The following BRD8 variants were observed in gnomAD, a reference collection of about 807,000 sequenced individuals.
The protein encoded by BRD8 is bromodomain containing 8, also known as bromodomain-containing protein 8.
A neutral mutation model predicts 143.1 loss-of-function variants in BRD8; 67 were observed. That is an observed-to-expected ratio of 0.47 (90% confidence interval 0.38 to 0.57). The LOEUF (loss-of-function observed/expected upper bound fraction) is 0.57, where lower values mean the gene tolerates loss of function less well. Ranked by LOEUF, BRD8 falls within the 20% of genes least tolerant of loss-of-function variation. BRD8 has a pLI of 0.00. For synonymous variants in BRD8, 505 were observed against 517.1 expected (o/e 0.98, Z 0.32); for missense variants, 1,103 against 1,503.0 (o/e 0.73, Z 4.40).
At chr5:138,141,239 CCT>C (rs1265488775) in intron 25 of BRD8, among the ~76,000 whole-genome samples, 5 of 152,150 alleles carry the variant, frequency 3.3e-5, no homozygotes, top group South Asian at 2.1e-4. Flanking sequence ...AAGCAATTCC[CCT>C]GTCTCAGCCT....
At position 138,164,401 on chromosome 5, in the gene BRD8, T is replaced by A. The variant is rs953539088; in HGVS notation, c.1744A>T (p.Ser582Cys). Residue 582 changes from serine to cysteine, a missense_variant, in exon 13 of 27, where the codon AGC becomes TGC. Transcript: ENST00000254900. ...TNVKTEASPE[S>C]MLSPSHGSNP... is the part of the protein sequence containing the mutation. The stretch of plus-strand genomic sequence containing the variant: ...GAGCCATGTGATGGAGACAACATGC[T>A]TTCAGGGGATGCCTGAAAACCAGAA... 1.2e-6 allele frequency: 2 copies of A among 1,614,020 alleles called. No individual in the cohort carries two copies. The highest frequency in any genetic ancestry group is 1.7e-6 in the Non-Finnish European group (2 of 1,179,998).
At chr5:138,169,730 A>G (rs1330537909) in intron 7 of BRD8, among the ~76,000 whole-genome samples, 1 of 152,202 alleles carries the variant, frequency 6.6e-6, no homozygotes, top group African/African-American at 2.4e-5. Context: ...GCACTTTGGG[A>G]GGCCAAGGCA....
At chr5:138,172,318 A>G (rs181413323) in intron 2 of BRD8, among the ~76,000 whole-genome samples, 184 bp from the exon 3 acceptor site, 6 of 151,634 alleles carry the variant, frequency 4.0e-5, no homozygotes, top group Non-Finnish European at 8.8e-5. Flanking sequence ...AGGTCAGGAG[A>G]TCAATACCAA....
chr5:138,165,099 T>A lies in BRD8; in HGVS notation c.1346A>T (p.Asn449Ile). ...GCCAGGCAGGGACTGAGGATCATCA[T>A]TTTCTTCACAAAATGACAGTGCTGC... ...VEAALSFCEENDDPQSLPGPW... is the reference protein window; with the variant it reads ...VEAALSFCEEIDDPQSLPGPW... Residue 449 changes from asparagine (N) to isoleucine (I), a missense_variant, in exon 12 of 27, where the codon AAT (asparagine) becomes ATT (isoleucine). Physicochemically the swap from Asn to Ile is moderately radical, Grantham distance 149. Around this residue, in one of 7 missense-constraint regions of BRD8, gnomAD observed 53 missense variants for 101.4 expected, o/e 0.52. Coordinates refer to ENST00000254900, the MANE Select transcript of BRD8 (RefSeq NM_139199.2). The A allele has an allele frequency of 1.2e-6, 2 of 1,614,132 alleles. No homozygotes were observed. The highest frequency in any genetic ancestry group is 1.7e-6 in the Non-Finnish European group (2 of 1,180,032).
At chr5:138,161,512 C>T (rs760026142) in intron 17 of BRD8, among the ~76,000 whole-genome samples, 9 of 152,140 alleles carry the variant, frequency 5.9e-5, no homozygotes, top group East Asian at 1.9e-4. Flanking sequence ...GAGGGGGTTT[C>T]GCCATGTTGC....
At chr5:138,177,523 T>A in intron 2 of BRD8, 48 bp downstream of exon 2, 1 of 1,067,448 alleles carries the variant, frequency 9.4e-7, no homozygotes, top group Non-Finnish European at 1.5e-6. Flanking sequence ...TGAAAGAGTA[T>A]CTAACAATTT....
chr5:138,176,953 T>G (rs1754384350), intron 2 of BRD8, among the ~76,000 whole-genome samples: 1 of 151,418 alleles, frequency 6.6e-6, no homozygotes, highest in African/African-American at 2.4e-5. Context: ...CTGGGCATGG[T>G]GGTGTGCACC....
At chr5:138,176,854 T>C (rs988106512) in intron 2 of BRD8, among the ~76,000 whole-genome samples, 8 of 151,070 alleles carry the variant, frequency 5.3e-5, no homozygotes, top group African/African-American at 1.2e-4. Context: ...TCCCAGTAGG[T>C]TGGGCGGATC....
intron 25 of BRD8, among the ~76,000 whole-genome samples, chr5:138,142,978 A>T (rs1015237962): frequency 4.0e-5 from 6 of 151,832 alleles, no homozygotes; most frequent in Admixed American, 1.3e-4. Flanking sequence ...AACAAAGAAA[A>T]TATTTTATTA....
Position 138,161,075 on chromosome 5 carries a change from A to C in BRD8, c.2250-7T>G, listed in dbSNP as rs780652033. ...AGTTGACAAATCCATAGGCCTAAAA[A>C]AAAAGAACAGGGGTAAGTAGCAGTG... On this transcript the variant is annotated splice_region_variant and splice_polypyrimidine_tract_variant and intron_variant, in intron 17 of 26. Transcript: ENST00000254900. 1.2e-6 allele frequency: 2 copies of C among 1,607,896 alleles called. No homozygotes were observed. Among genetic ancestry groups the C allele is most frequent in the Admixed American group, 1.7e-5 (1 of 59,158 alleles).
In BRD8 at chr5:138,169,517, A is replaced by G. The variant is rs112556666; in HGVS notation, c.506-159T>C. The G allele has an allele frequency of 6.3e-4, 486 of 767,992 alleles. 4 individuals are homozygous for G. In the African/African-American group the frequency reaches 7.2e-3, roughly 11 times the overall value. The allele number at this position is 767,992 out of a possible 1,614,324, so 47.6% of individuals were successfully genotyped here. A position where few individuals can be genotyped will look rare whatever the true frequency, so the allele number is the denominator to read the frequency against. On this transcript the variant is annotated intron_variant, in intron 7 of 26. Coordinates refer to ENST00000254900, the MANE Select transcript of BRD8 (RefSeq NM_139199.2). ...AAAGCTTTAACACTTCTAGAGATGG[A>G]TAACTTTTTAGCCTAATTTTTCCTA... is the stretch of plus-strand genomic sequence containing the variant.
At chr5:138,159,676 G>T in intron 19 of BRD8, 77 bp from the exon 20 acceptor site, 1 of 1,424,334 alleles carries the variant, frequency 7.0e-7, no homozygotes, top group Non-Finnish European at 9.9e-7. Context: ...TCAGGACAGA[G>T]ACACAAGCAC....
At chr5:138,141,908 C>T (rs1199858280) in intron 25 of BRD8, among the ~76,000 whole-genome samples, 1 of 151,774 alleles carries the variant, frequency 6.6e-6, no homozygotes, top group Non-Finnish European at 1.5e-5. Context: ...CATGACCAAG[C>T]ACCTCTGAGC....
intron 21 of BRD8, among the ~76,000 whole-genome samples, chr5:138,152,028 G>A (rs959040669): frequency 3.0e-4 from 45 of 151,830 alleles, no homozygotes; most frequent in Non-Finnish European, 6.2e-4. Context: ...CTAATTTTTT[G>A]TATTTTTAGT....
chr5:138,161,954 A>G, intron 16 of BRD8, 90 bp from the exon 17 acceptor site: 1 of 1,561,250 alleles, frequency 6.4e-7, no homozygotes, highest in Non-Finnish European at 8.8e-7. Flanking sequence ...AGTAAGAACT[A>G]ATACCAGCAG....
intron 20 of BRD8, chr5:138,157,064 TAA>T (rs1561604536): frequency 6.6e-7 from 1 of 1,525,136 alleles, no homozygotes; most frequent in African/African-American, 1.4e-5. Context: ...TCCAACTCTC[TAA>T]GAGAGATTTT....
At chr5:138,172,833 G>A (rs1353712221) in intron 2 of BRD8, 1 of 368,510 alleles carries the variant, frequency 2.7e-6, no homozygotes, top group South Asian at 1.9e-5. Flanking sequence ...CAGCCTGGGT[G>A]ACAGAGTAAG....
rs1753152308 is a variant in BRD8 at position 138,163,331 on chromosome 5, T to C, written c.1886A>G (p.Glu629Gly). The change falls in exon 15 of 27, where the codon GAG becomes GGG. Residue 629 changes from glutamate to glycine, a missense_variant. Glu to Gly is a moderately conservative substitution (Grantham distance 98). Around this residue, in one of 7 missense-constraint regions of BRD8, gnomAD observed 75 missense variants for 111.7 expected, o/e 0.67. Coordinates refer to ENST00000254900, the MANE Select transcript of BRD8 (RefSeq NM_139199.2). ...FGSQIKDAPG[E>G]DEEEDGVSEA... ...ACTGACACCATCTTCCTCCTCATCC[T>C]CACCTGGGGCATCCTTAGATACAGT... 6.2e-7 allele frequency: 1 copy of C among 1,614,060 alleles called. No homozygotes were observed. Among genetic ancestry groups the C allele is most frequent in the Non-Finnish European group, 8.5e-7 (1 of 1,179,966 alleles).
chr5:138,153,105 C>T (rs919322818), intron 20 of BRD8, among the ~76,000 whole-genome samples: 32 of 152,168 alleles, frequency 2.1e-4, no homozygotes, highest in African/African-American at 7.7e-4. Context: ...CAATTATTTT[C>T]CTCTAGCCCA....
Sources: gnomAD v4.1 joint callset for allele counts (sites outside exome capture counted in the v4.1 genomes callset) on GRCh38, gnomAD v4.1.1 for gene constraint, gnomAD v4.1.1 regional missense constraint, MANE v1.5 for transcripts, NCBI Gene and HGNC (gene_info 2026-07-23, HGNC 2026-07-21) for gene names.